The following NDUFAF2 variants were observed in gnomAD, a reference collection of about 807,000 sequenced individuals.
NDUFAF2 encodes the protein NADH dehydrogenase [ubiquinone] 1 alpha subcomplex assembly factor 2.
A neutral mutation model predicts 22.8 loss-of-function variants in NDUFAF2; 13 were observed. The observed-to-expected ratio is 0.57, with a 90% confidence interval of 0.37 to 0.91. NDUFAF2 has a LOEUF of 0.91. Ranked by LOEUF, NDUFAF2 falls within the 40% of genes least tolerant of loss-of-function variation. NDUFAF2 has a pLI of 0.01. For missense variants in NDUFAF2, 162 were observed against 195.2 expected, an observed-to-expected ratio of 0.83 and a Z score of 1.01; for synonymous variants, 53 against 64.2, an observed-to-expected ratio of 0.83 and a Z score of 0.84.
chr5:61,030,910 C>T (rs866204408), intron 1 of NDUFAF2, among the ~76,000 whole-genome samples: 2 of 152,108 alleles, frequency 1.3e-5, no homozygotes, highest in Admixed American at 6.6e-5. Context: ...CCTACTTCTG[C>T]TCAACACCTA....
chr5:61,109,543 G>A (rs2111781781), intron 3 of NDUFAF2, among the ~76,000 whole-genome samples: 1 of 152,228 alleles, frequency 6.6e-6, no homozygotes, highest in South Asian at 2.1e-4. Context: ...TTAGAAGAAA[G>A]GCTTTCACTG....
At chr5:60,966,221 G>GT (rs1334600992) in intron 1 of NDUFAF2, among the ~76,000 whole-genome samples, 1 of 151,746 alleles carries the variant, frequency 6.6e-6, no homozygotes, top group African/African-American at 2.4e-5. Flanking sequence ...TCAGTTATTA[G>GT]TTTTTTTTCC....
At chr5:60,979,593 A>T (rs1048341177) in intron 1 of NDUFAF2, among the ~76,000 whole-genome samples, 84 of 152,008 alleles carry the variant, frequency 5.5e-4, no homozygotes, top group Non-Finnish European at 8.2e-4. Flanking sequence ...GAAAAGGGAG[A>T]GAAGACTGGG....
intron 1 of NDUFAF2, among the ~76,000 whole-genome samples, chr5:61,000,071 T>C (rs918245030): frequency 6.6e-6 from 1 of 152,094 alleles, no homozygotes; most frequent in African/African-American, 2.4e-5. Flanking sequence ...AAAATTAAAC[T>C]TGTTATCATT....
chr5:61,112,535 G>T (rs1752857724), intron 3 of NDUFAF2, among the ~76,000 whole-genome samples: 1 of 151,994 alleles, frequency 6.6e-6, no homozygotes, highest in Non-Finnish European at 1.5e-5. Context: ...TATAGTTTTT[G>T]TCTTAAAATC....
Position 61,152,733 on chromosome 5 carries a change from A to C in NDUFAF2, c.288A>C (p.Glu96Asp). Residue 96 changes from glutamate (E) to aspartate (D), a missense_variant, in exon 4 of 4, where the codon GAA becomes GAC. Glu to Asp is a conservative substitution (Grantham distance 45). Coordinates refer to ENST00000296597, the MANE Select transcript of NDUFAF2 (RefSeq NM_174889.5). ...EEILKNEKHR[E>D]EIKIKSQDFY... is the part of the protein sequence containing the mutation. ...TACTAAAGAATGAAAAACACAGAGA[A>C]GAAATCAAAATAAAAAGCCAAGATT... 6.3e-7 allele frequency: 1 copy of C among 1,579,714 alleles called. No individual in the cohort carries two copies. The highest frequency in any genetic ancestry group is 8.6e-7 in the Non-Finnish European group (1 of 1,162,658).
intron 1 of NDUFAF2, among the ~76,000 whole-genome samples, chr5:60,993,727 G>T (rs1260621738): frequency 6.6e-6 from 1 of 152,144 alleles, no homozygotes; most frequent in African/African-American, 2.4e-5. Context: ...TCACCCCGAT[G>T]TCTGTAGCTC....
intron 2 of NDUFAF2, among the ~76,000 whole-genome samples, chr5:61,091,609 C>T (rs1394229832): frequency 1.3e-5 from 2 of 152,108 alleles, no homozygotes; most frequent in Non-Finnish European, 2.9e-5. Flanking sequence ...AATTGTCTTC[C>T]AGTCTGTAGG....
intron 1 of NDUFAF2, among the ~76,000 whole-genome samples, chr5:61,023,908 G>A (rs1436315990): frequency 1.3e-5 from 2 of 152,180 alleles, no homozygotes; most frequent in Non-Finnish European, 2.9e-5. Context: ...AAAGGTGTAT[G>A]TCCAAGCACT....
chr5:61,079,973 C>G (rs1458644394), intron 2 of NDUFAF2, among the ~76,000 whole-genome samples: 2 of 152,150 alleles, frequency 1.3e-5, no homozygotes. Context: ...CACTGTGTTT[C>G]ATTATTCAAT....
chr5:60,999,874 T>G (rs1751275246), intron 1 of NDUFAF2, among the ~76,000 whole-genome samples: 1 of 152,118 alleles, frequency 6.6e-6, no homozygotes, highest in Admixed American at 6.6e-5. Context: ...ATTAGATCTC[T>G]TACTATTTTG....
intron 1 of NDUFAF2, among the ~76,000 whole-genome samples, chr5:60,976,487 A>G (rs898462056): frequency 6.6e-6 from 1 of 152,116 alleles, no homozygotes; most frequent in African/African-American, 2.4e-5. Context: ...ATATTTTGTC[A>G]GTGTTTTTTA....
intron 1 of NDUFAF2, among the ~76,000 whole-genome samples, chr5:61,037,650 T>C (rs1193691124): frequency 6.6e-6 from 1 of 152,134 alleles, no homozygotes; most frequent in Non-Finnish European, 1.5e-5. Context: ...AGAAACCACT[T>C]TTTCCATTTA....
chr5:60,992,781 T>C (rs1751177659), intron 1 of NDUFAF2, among the ~76,000 whole-genome samples: 1 of 152,214 alleles, frequency 6.6e-6, no homozygotes. Flanking sequence ...TGAAGGATCT[T>C]TTCACTAGAT....
chr5:61,044,044 G>A (rs146774003), intron 1 of NDUFAF2, among the ~76,000 whole-genome samples: 41 of 152,040 alleles, frequency 2.7e-4, no homozygotes, highest in Middle Eastern at 3.4e-3. Context: ...GATACTAGTC[G>A]TTCTAACAGG....
intron 1 of NDUFAF2, among the ~76,000 whole-genome samples, chr5:61,040,657 C>T (rs1736644181): frequency 6.6e-6 from 1 of 151,990 alleles, no homozygotes; most frequent in African/African-American, 2.4e-5. Flanking sequence ...GATTTCAGAA[C>T]CCCACAAGTA....
chr5:61,118,585 A>G (rs1009008425), intron 3 of NDUFAF2, among the ~76,000 whole-genome samples: 53 of 151,604 alleles, frequency 3.5e-4, no homozygotes, highest in African/African-American at 1.1e-3. Context: ...TTATATTGTT[A>G]TATTCTCTGT....
At chr5:61,033,989 A>G (rs970352100) in intron 1 of NDUFAF2, among the ~76,000 whole-genome samples, 33 of 152,298 alleles carry the variant, frequency 2.2e-4, no homozygotes, top group South Asian at 1.0e-3. Context: ...ATCATCAAGG[A>G]GAAAATTGAC....
chr5:61,013,226 GATAAATAAAAAATATGGTAGTACA>G (rs1168930578), intron 1 of NDUFAF2, among the ~76,000 whole-genome samples: 1 of 151,992 alleles, frequency 6.6e-6, no homozygotes, highest in Admixed American at 6.6e-5. Context: ...GGGAACAGCT[GATAAATAAAAAATATGGTAGTACA>G]ATTTTGTTCA....
Sources: gnomAD v4.1 joint callset for allele counts (sites outside exome capture counted in the v4.1 genomes callset) on GRCh38, gnomAD v4.1.1 for gene constraint, MANE v1.5 for transcripts, NCBI Gene and HGNC (gene_info 2026-07-23, HGNC 2026-07-21) for gene names.